Variants in LAMA2 observed in about 807,000 individuals in gnomAD.
LAMA2 encodes laminin subunit alpha 2, also known as laminin subunit alpha-2.
A neutral mutation model predicts 364.8 loss-of-function variants in LAMA2; 269 were observed. The observed-to-expected ratio is 0.74, with a 90% CI of 0.67 to 0.82. The LOEUF is 0.82. Ranked by LOEUF, LAMA2 falls within the 40% of genes least tolerant of loss-of-function variation. The pLI is 0.00. For synonymous variants in LAMA2, 1,379 were observed against 1,370.6 expected, an observed-to-expected ratio of 1.01 and a Z score of -0.14; for missense variants, 3,807 against 3,873.2, an observed-to-expected ratio of 0.98 and a Z score of 0.45.
At chr6:129,076,887 T>C (rs1475176318) in intron 3 of LAMA2, among the ~76,000 whole-genome samples, 1 of 151,944 alleles carries the variant, frequency 6.6e-6, no homozygotes, top group African/African-American at 2.4e-5. Context: ...ATAAACACAA[T>C]GAAAAGAAAA....
At chr6:129,147,108 G>A (rs1345143864) in intron 6 of LAMA2, 60 bp downstream of exon 6, 2 of 1,071,880 alleles carry the variant, frequency 1.9e-6, no homozygotes, top group African/African-American at 1.6e-5. Flanking sequence ...AATGTTTCAT[G>A]ACAGTCTTTG....
At chr6:129,338,663 G>T (rs998096716) in intron 29 of LAMA2, among the ~76,000 whole-genome samples, 1 of 152,122 alleles carries the variant, frequency 6.6e-6, no homozygotes, top group Non-Finnish European at 1.5e-5. Flanking sequence ...CATTCATTCA[G>T]TCATTCAAAA....
intron 22 of LAMA2, among the ~76,000 whole-genome samples, chr6:129,305,811 T>G (rs180955078): frequency 2.2e-4 from 33 of 152,220 alleles, no homozygotes; most frequent in African/African-American, 7.5e-4. Flanking sequence ...TTGCCTTATC[T>G]GCTCTTGCCT....
intron 1 of LAMA2, among the ~76,000 whole-genome samples, chr6:128,997,353 AGAAC>A (rs1264800905): frequency 1.8e-4 from 4 of 22,296 alleles, no homozygotes; most frequent in East Asian, 2.4e-3. Flanking sequence ...AAAGAAAGAA[AGAAC>A]GAAAGAAAGA....
intron 4 of LAMA2, among the ~76,000 whole-genome samples, chr6:129,130,686 CT>C (rs1217626175): frequency 1.3e-5 from 2 of 152,078 alleles, no homozygotes; most frequent in Non-Finnish European, 2.9e-5. Context: ...CAGCGTATTC[CT>C]TTTTTTAAGG....
chr6:129,119,633 C>T (rs1202814053), intron 4 of LAMA2, among the ~76,000 whole-genome samples: 2 of 152,068 alleles, frequency 1.3e-5, no homozygotes, highest in South Asian at 2.1e-4. Context: ...CTGCAAGCTC[C>T]GCCTCCCGGG....
At position 129,443,045 on chromosome 6, in the gene LAMA2, A is replaced by G. The variant is rs771620425; in HGVS notation, c.6269-18A>G. ...TATAATTTTTTTTTGTTTTGCTTCC[A>G]TGTGAAATTGCCTGCAGAAATCAGT... On this transcript the variant is annotated intron_variant, in intron 43 of 64. Coordinates refer to ENST00000421865, the MANE Select transcript of LAMA2 (RefSeq NM_000426.4). The G allele has an allele frequency of 3.8e-6, 6 of 1,581,820 alleles. No individual in the cohort carries two copies. In the Admixed American group the frequency reaches 5.1e-5, roughly 13 times the overall value.
intron 40 of LAMA2, among the ~76,000 whole-genome samples, chr6:129,404,374 A>G (rs2114698822): frequency 6.6e-6 from 1 of 152,328 alleles, no homozygotes. Context: ...TTTAATAAAA[A>G]CATACTGGAT....
At chr6:129,508,343 A>G (rs1786275789) in intron 62 of LAMA2, among the ~76,000 whole-genome samples, 1 of 152,194 alleles carries the variant, frequency 6.6e-6, no homozygotes, top group Admixed American at 6.5e-5. Context: ...TGGGGTATCC[A>G]TCACCTCAAA....
At chr6:128,911,131 C>G (rs1409083400) in intron 1 of LAMA2, among the ~76,000 whole-genome samples, 1 of 152,200 alleles carries the variant, frequency 6.6e-6, no homozygotes, top group Non-Finnish European at 1.5e-5. Flanking sequence ...CCTACAAAGG[C>G]AGGCAGGCCT....
At position 129,516,385 on chromosome 6, in the gene LAMA2, C is replaced by CAAGT; in HGVS notation, c.*40_*43dup. On this transcript the variant is annotated 3_prime_UTR_variant, in exon 65 of 65. Transcript: ENST00000421865. ...TAACCCCAGGAAGAGTCTGTCAAAA[C>CAAGT]AAGTATATCAAGTAAAACAAACAAA... The CAAGT allele has an allele frequency of 7.0e-6, 11 of 1,580,280 alleles. No individual in the cohort carries two copies. Among genetic ancestry groups the CAAGT allele is most frequent in the Non-Finnish European group, 9.5e-6 (11 of 1,151,976 alleles).
intron 29 of LAMA2, among the ~76,000 whole-genome samples, chr6:129,328,899 G>A (rs574165757): frequency 1.3e-5 from 2 of 152,196 alleles, no homozygotes; most frequent in South Asian, 4.2e-4. Context: ...CCTATCATGA[G>A]GTTGTATTAT....
chr6:129,299,456 T>C (rs1383205006), intron 21 of LAMA2, among the ~76,000 whole-genome samples: 1 of 152,156 alleles, frequency 6.6e-6, no homozygotes, highest in Non-Finnish European at 1.5e-5. Flanking sequence ...TTAATTGTGT[T>C]ATACATTGTG....
intron 8 of LAMA2, chr6:129,159,195 G>C: frequency 4.9e-6 from 6 of 1,219,362 alleles, no homozygotes; most frequent in Non-Finnish European, 7.3e-6. Flanking sequence ...TTAAATGACT[G>C]TCATTCAGTG....
At position 129,080,400 on chromosome 6, in the gene LAMA2, CAG is replaced by C. The variant is rs1398026699; in HGVS notation, c.397-17770_397-17769del. ...CACTAAAAACAAGATTAAATTACTA[CAG>C]AGGAGTCTTAGAATTTAAAACTCTA... On this transcript the variant is annotated intron_variant, in intron 3 of 64. Transcript: ENST00000421865. 2.6e-5 allele frequency among the ~76,000 whole-genome samples: 4 copies of C among 152,110 alleles called. No homozygotes were observed. The East Asian group carries it at 7.7e-4, about 29-fold the overall frequency.
chr6:129,293,801 G>T (rs541040889), intron 20 of LAMA2, among the ~76,000 whole-genome samples: 6 of 152,230 alleles, frequency 3.9e-5, no homozygotes, highest in Admixed American at 3.3e-4. Flanking sequence ...GAAATAAAAA[G>T]TAAAGAAGAA....
intron 2 of LAMA2, among the ~76,000 whole-genome samples, chr6:129,055,515 C>G (rs1244780721): frequency 6.6e-6 from 1 of 151,938 alleles, no homozygotes; most frequent in Non-Finnish European, 1.5e-5. Context: ...TTTTAAATGA[C>G]CAGATTCATT....
chr6:129,134,928 A>G (rs1483340494), intron 4 of LAMA2, among the ~76,000 whole-genome samples: 1 of 152,116 alleles, frequency 6.6e-6, no homozygotes, highest in Non-Finnish European at 1.5e-5. Context: ...AGGAGGTGAT[A>G]TTGGGTCTGG....
intron 32 of LAMA2, among the ~76,000 whole-genome samples, chr6:129,362,341 A>C (rs1777512961): frequency 6.6e-6 from 1 of 152,018 alleles, no homozygotes; most frequent in Non-Finnish European, 1.5e-5. Flanking sequence ...TGTTCCTCAC[A>C]CATCTGTGAG....
Sources: gnomAD v4.1 joint callset for allele counts (sites outside exome capture counted in the v4.1 genomes callset) on GRCh38, gnomAD v4.1.1 for gene constraint, MANE v1.5 for transcripts, NCBI Gene and HGNC (gene_info 2026-07-23, HGNC 2026-07-21) for gene names.